The following CPM variants were observed in gnomAD, a reference collection of about 807,000 sequenced individuals.
The protein encoded by CPM is carboxypeptidase M.
CPM carries 35 observed loss-of-function variants against 46.4 expected under a neutral mutation model. The ratio of observed to expected loss-of-function variants is 0.75; its 90% CI spans 0.58 to 1.00. The LOEUF is 1.00. Among genes scored for constraint, CPM ranks in the 50% least tolerant of loss-of-function variants. CPM has a pLI of 0.00. For synonymous variants in CPM, 195 were observed against 195.3 expected (o/e 1.00, Z 0.01); for missense variants, 422 against 530.4 (o/e 0.80, Z 2.01).
At chr12:68,946,589 G>A (rs3906871) in intron 1 of CPM, among the ~76,000 whole-genome samples, 25,018 of 152,170 alleles carry the variant, frequency 0.16, 2,144 homozygotes, top group Middle Eastern at 0.2. Flanking sequence ...AAGGTGGCCA[G>A]TTTTTCCAAG....
chr12:68,870,866 T>G (rs1885663680), intron 4 of CPM, among the ~76,000 whole-genome samples: 1 of 152,240 alleles, frequency 6.6e-6, no homozygotes, highest in Non-Finnish European at 1.5e-5. Context: ...AAAAGGCTGT[T>G]GCTTTAAGTC....
intron 7 of CPM, among the ~76,000 whole-genome samples, chr12:68,859,997 CCAAA>C (rs1325640201): frequency 2.2e-4 from 33 of 152,234 alleles, no homozygotes; most frequent in Middle Eastern, 3.4e-3. Flanking sequence ...TGAACTCTCC[CCAAA>C]CAGTTATGCT....
intron 1 of CPM, among the ~76,000 whole-genome samples, chr12:68,949,762 G>A (rs924586088): frequency 1.3e-5 from 2 of 152,228 alleles, no homozygotes; most frequent in African/African-American, 4.8e-5. Flanking sequence ...TTGAGGTACA[G>A]CAATGGAAAA....
intron 5 of CPM, chr12:68,845,354 C>T: frequency 4.7e-6 from 1 of 212,136 alleles, no homozygotes; most frequent in Non-Finnish European, 9.5e-6. Flanking sequence ...AAAGCACCAG[C>T]ACTTGGAAGG....
At chr12:68,844,628 G>T (rs6581836) in intron 5 of CPM, 225,448 of 227,284 alleles carry the variant, frequency 0.99, 111,815 homozygotes, top group East Asian at 1. Flanking sequence ...TTGATTGTGA[G>T]GCACAAATGT....
chr12:68,952,693 T>A (rs1355355567), intron 1 of CPM, among the ~76,000 whole-genome samples: 1 of 152,138 alleles, frequency 6.6e-6, no homozygotes, highest in East Asian at 1.9e-4. Flanking sequence ...CCCTTGTATG[T>A]CTTATTTATA....
upstream of CPM, chr12:68,963,391 C>T (rs1368446028): frequency 6.5e-6 from 1 of 152,822 alleles, no homozygotes; most frequent in Non-Finnish European, 1.5e-5. Context: ...TGTGCACTTT[C>T]CTCTGTCTTC....
In CPM at chr12:68,924,196, C is replaced by T. The variant is rs547229611; in HGVS notation, c.160+8482G>A. On this transcript the variant is annotated intron_variant, in intron 2 of 8. Transcript: ENST00000551568. ...CTAAAATTGTGGGGAATAATGTAAG[C>T]ATGACAAGATAAGTGATAGGAAGGG... is the stretch of plus-strand genomic sequence containing the variant. Among the ~76,000 whole-genome samples, 144 of 146,656 alleles carry T rather than the reference C, an allele frequency of 9.8e-4. 1 individual carries two copies. The highest frequency in any genetic ancestry group is 7.4e-3 in the Middle Eastern group (2 of 272).
At chr12:68,885,763 C>A (rs1311695470) in intron 3 of CPM, 29 bp downstream of exon 3, 1 of 1,573,036 alleles carries the variant, frequency 6.4e-7, no homozygotes, top group Admixed American at 1.7e-5. Context: ...TCTCTGGTGA[C>A]ATTTCAGAAA....
At chr12:68,929,587 A>G (rs576694760) in intron 2 of CPM, among the ~76,000 whole-genome samples, 56 of 152,322 alleles carry the variant, frequency 3.7e-4, no homozygotes, top group Non-Finnish European at 6.2e-4. Flanking sequence ...GAAGCTGGGT[A>G]TAGATGTGTT....
chr12:68,927,032 A>G (rs1374727996), intron 2 of CPM, among the ~76,000 whole-genome samples: 2 of 152,196 alleles, frequency 1.3e-5, no homozygotes, highest in East Asian at 1.9e-4. Flanking sequence ...ATACATGTGC[A>G]TGTGTCTTTA....
At chr12:68,918,429 T>C (rs1887899515) in intron 2 of CPM, among the ~76,000 whole-genome samples, 1 of 152,154 alleles carries the variant, frequency 6.6e-6, no homozygotes, top group Non-Finnish European at 1.5e-5. Flanking sequence ...TCCTGAGGAG[T>C]TCACAATTTC....
chr12:68,873,487 G>A (rs1027743939), intron 3 of CPM, among the ~76,000 whole-genome samples: 1 of 151,964 alleles, frequency 6.6e-6, no homozygotes, highest in East Asian at 1.9e-4. Flanking sequence ...GCAATATAGC[G>A]AGATCCCATC....
intron 3 of CPM, among the ~76,000 whole-genome samples, chr12:68,878,001 T>C (rs1159517972): frequency 6.6e-6 from 1 of 152,226 alleles, no homozygotes; most frequent in Non-Finnish European, 1.5e-5. Flanking sequence ...GGTTGACAAA[T>C]ATGGCCACTA....
chr12:68,868,436 G>A (rs1299451669), intron 6 of CPM, among the ~76,000 whole-genome samples: 6 of 152,258 alleles, frequency 3.9e-5, no homozygotes, highest in South Asian at 2.1e-4. Flanking sequence ...TGGCCTGCAC[G>A]CAGAAATGCA....
intron 2 of CPM, among the ~76,000 whole-genome samples, chr12:68,906,035 G>A (rs1485669265): frequency 6.6e-6 from 1 of 152,180 alleles, no homozygotes; most frequent in African/African-American, 2.4e-5. Context: ...ATCGGTCATC[G>A]TGGTGGTTTC....
chr12:68,890,400 T>A (rs550068666), intron 2 of CPM, among the ~76,000 whole-genome samples: 1 of 152,202 alleles, frequency 6.6e-6, no homozygotes, highest in East Asian at 1.9e-4. Context: ...TATCATTCAT[T>A]AAGTGCAGAT....
rs1011374557 is a variant in CPM, at chr12:68,842,302, G to A, written c.562C>T (p.Gln188Ter). 1.0e-5 allele frequency: 5 copies of A among 495,824 alleles called. No homozygotes were observed. The highest frequency in any genetic ancestry group is 2.3e-5 in the Admixed American group (1 of 43,570). 30.7% of individuals were successfully genotyped at this position (495,824 alleles called of 1,614,324 possible). A position where few individuals can be genotyped will look rare whatever the true frequency, so the allele number is the denominator to read the frequency against. Residue 188 changes from glutamine (Q) to a stop codon, truncating the protein, a stop_gained, in exon 6 of 6, where the codon CAA becomes TAA. Coordinates refer to the CPM transcript ENST00000551897. LOFTEE classifies it high-confidence loss of function. Reference sequence around the variant, plus strand: ...AAAGAAGTCAGGCAAAACTCATCTTGACCCCTGTTGCAGGCAAAGGAACGC... The same window carrying A: ...AAAGAAGTCAGGCAAAACTCATCTTAACCCCTGTTGCAGGCAAAGGAACGC...
upstream of CPM, among the ~76,000 whole-genome samples, chr12:68,936,861 T>C (rs997221311): frequency 2.0e-5 from 3 of 152,210 alleles, no homozygotes; most frequent in African/African-American, 7.2e-5. Context: ...GAATTAATGC[T>C]CTTACAAAAT....
Sources: gnomAD v4.1 joint callset for allele counts (sites outside exome capture counted in the v4.1 genomes callset) on GRCh38, gnomAD v4.1.1 for gene constraint, MANE v1.5 for transcripts, NCBI Gene and HGNC (gene_info 2026-07-23, HGNC 2026-07-21) for gene names.